The following PCDH11Y variants were observed in gnomAD, a reference collection of about 807,000 sequenced individuals.
PCDH11Y encodes protocadherin 11 Y-linked.
For missense variants in PCDH11Y, 12 were observed against 224.8 expected, an observed-to-expected ratio of 0.05 and a Z score of 6.05; for synonymous variants, 9 against 83.6, an observed-to-expected ratio of 0.11 and a Z score of 4.87.
At chrY:5,102,733 A>G, downstream of PCDH11Y, among the ~76,000 whole-genome samples, 2 of 33,067 alleles carry the variant, frequency 6.0e-5, no homozygotes, top group African/African-American at 2.3e-4. Context: ...TCATATAACT[A>G]AGAGACATTT....
At chrY:5,274,341 G>A in intron 2 of PCDH11Y, among the ~76,000 whole-genome samples, 2 of 32,847 alleles carry the variant, frequency 6.1e-5, no homozygotes, top group Admixed American at 2.8e-4. Flanking sequence ...GATTGTCAGC[G>A]TTGTTTTTTG....
chrY:5,041,983 G>T (rs2052613828), intron 3 of PCDH11Y, among the ~76,000 whole-genome samples: 1 of 32,893 alleles, frequency 3.0e-5, no homozygotes, highest in Non-Finnish European at 7.5e-5. Flanking sequence ...AAATTTGTTT[G>T]AGTTCATCGT....
intron 2 of PCDH11Y, among the ~76,000 whole-genome samples, chrY:5,266,884 T>G: frequency 6.0e-5 from 2 of 33,238 alleles, no homozygotes; most frequent in Admixed American, 2.8e-4. Flanking sequence ...ATATTTACTT[T>G]TATTAAATAC....
At chrY:5,351,694 G>C in intron 2 of PCDH11Y, among the ~76,000 whole-genome samples, 1 of 32,181 alleles carries the variant, frequency 3.1e-5, no homozygotes, top group South Asian at 7.0e-4. Flanking sequence ...AGTATGAAAA[G>C]GAGAGATATA....
At chrY:5,226,191 A>T in intron 2 of PCDH11Y, among the ~76,000 whole-genome samples, 1 of 27,976 alleles carries the variant, frequency 3.6e-5, no homozygotes, top group South Asian at 8.5e-4. Context: ...TTGTGTTTTT[A>T]GTAGAGATGG....
At chrY:5,115,826 C>T (rs1478957529) in intron 2 of PCDH11Y, among the ~76,000 whole-genome samples, 12 of 25,476 alleles carry the variant, frequency 4.7e-4, no homozygotes, top group African/African-American at 1.9e-3. Flanking sequence ...CTGCAAGCTC[C>T]GCCTCCCGGG....
At chrY:5,402,659 T>C in intron 2 of PCDH11Y, among the ~76,000 whole-genome samples, 15 of 22,650 alleles carry the variant, frequency 6.6e-4, no homozygotes, top group African/African-American at 2.0e-3. Flanking sequence ...TTTCTTTTTT[T>C]TTTTTTTTTT....
chrY:5,385,471 T>C, intron 2 of PCDH11Y, among the ~76,000 whole-genome samples: 1 of 31,393 alleles, frequency 3.2e-5, no homozygotes, highest in Non-Finnish European at 7.7e-5. Flanking sequence ...GCAAATGCCA[T>C]TAATTCATTC....
intron 2 of PCDH11Y, among the ~76,000 whole-genome samples, chrY:5,427,056 T>C (rs2053264096): frequency 6.1e-5 from 2 of 32,918 alleles, no homozygotes; most frequent in Non-Finnish European, 1.5e-4. Flanking sequence ...CTATGTACCC[T>C]GAATGAGAAG....
At chrY:5,711,202 T>C in intron 4 of PCDH11Y, among the ~76,000 whole-genome samples, 1 of 14,248 alleles carries the variant, frequency 7.0e-5, no homozygotes, top group Non-Finnish European at 1.6e-4. Flanking sequence ...TCACCTTTGC[T>C]CTGGGTCAGT....
At chrY:5,566,870 A>G in intron 3 of PCDH11Y, among the ~76,000 whole-genome samples, 2 of 32,837 alleles carry the variant, frequency 6.1e-5, no homozygotes, top group Admixed American at 5.6e-4. Flanking sequence ...ATTCCTGTAT[A>G]CTGACTTTAC....
chrY:5,416,175 C>G (rs2053253108), intron 2 of PCDH11Y, among the ~76,000 whole-genome samples: 1 of 32,642 alleles, frequency 3.1e-5, no homozygotes, highest in East Asian at 8.1e-4. Flanking sequence ...AACAGTGAAA[C>G]TAACTGGTCC....
intron 2 of PCDH11Y, among the ~76,000 whole-genome samples, chrY:5,413,948 T>C: frequency 3.0e-5 from 1 of 33,171 alleles, no homozygotes; most frequent in Non-Finnish European, 7.4e-5. Flanking sequence ...GGTAATGTCC[T>C]CTTTGAAATT....
At chrY:5,726,737 T>C (rs2124714636) in intron 4 of PCDH11Y, among the ~76,000 whole-genome samples, 2 of 33,361 alleles carry the variant, frequency 6.0e-5, no homozygotes, top group Non-Finnish European at 1.5e-4. Context: ...ACAAATAGGC[T>C]ACAATCTCGA....
chrY:5,260,824 G>GAAA (rs2053017039), intron 2 of PCDH11Y, among the ~76,000 whole-genome samples: 1 of 31,600 alleles, frequency 3.2e-5, no homozygotes, highest in Non-Finnish European at 7.6e-5. Flanking sequence ...TCACAGTCTG[G>GAAA]GATTCTGTTT....
At chrY:5,716,636 AT>A in intron 4 of PCDH11Y, among the ~76,000 whole-genome samples, 2 of 33,338 alleles carry the variant, frequency 6.0e-5, no homozygotes, top group Admixed American at 5.5e-4. Context: ...AAAAATTAAT[AT>A]TTTTTAAATG....
chrY:5,297,096 G>C, intron 2 of PCDH11Y, among the ~76,000 whole-genome samples: 2 of 32,651 alleles, frequency 6.1e-5, no homozygotes, highest in Non-Finnish European at 1.5e-4. Context: ...ATGCTGACAG[G>C]ACTGCATCCT....
chrY:5,460,221 A>G, intron 2 of PCDH11Y, among the ~76,000 whole-genome samples: 4 of 32,982 alleles, frequency 1.2e-4, no homozygotes, highest in Non-Finnish European at 2.3e-4. Flanking sequence ...TTGCATGTAC[A>G]TTAACGACTG....
At chrY:5,527,891 A>T (rs2053389317) in intron 3 of PCDH11Y, among the ~76,000 whole-genome samples, 1 of 33,624 alleles carries the variant, frequency 3.0e-5, no homozygotes, top group African/African-American at 1.2e-4. Flanking sequence ...ATTTAAAAAA[A>T]AAATTCTGTA....
Sources: gnomAD v4.1 joint callset for allele counts (sites outside exome capture counted in the v4.1 genomes callset) on GRCh38, gnomAD v4.1.1 for gene constraint, MANE v1.5 for transcripts, NCBI Gene and HGNC (gene_info 2026-07-23, HGNC 2026-07-21) for gene names.